HIBCH: variants seen among roughly 807,000 people sequenced by gnomAD.
HIBCH encodes 3-hydroxyisobutyryl-CoA hydrolase, also known as 3-hydroxyisobutyryl-CoA hydrolase, mitochondrial.
In HIBCH, 50 loss-of-function variants were observed where a neutral mutation model predicts 58.2. That is an observed-to-expected ratio of 0.86 (90% CI 0.68 to 1.09). The LOEUF (loss-of-function observed/expected upper bound fraction) is 1.09. HIBCH is among the 50% of genes least tolerant of loss of function. The pLI, the probability that HIBCH is intolerant of heterozygous loss-of-function variation, is 0.00. For missense variants in HIBCH, 450 were observed against 449.7 expected (o/e 1.00, Z -0.01); for synonymous variants, 151 against 146.9 (o/e 1.03, Z -0.20).
chr2:190,311,076 AT>A (rs1688542367), intron 1 of HIBCH: 1 of 583,812 alleles, frequency 1.7e-6, no homozygotes, highest in African/African-American at 1.9e-5. Context: ...ATACAACCAT[AT>A]AAAATATTAT....
chr2:190,231,890 G>A (rs1247621069), intron 11 of HIBCH, among the ~76,000 whole-genome samples: 3 of 152,100 alleles, frequency 2.0e-5, no homozygotes, highest in Non-Finnish European at 4.4e-5. Context: ...TTAGGTATAA[G>A]GTCAAAACAT....
chr2:190,305,730 A>G (rs1688386426), intron 2 of HIBCH, among the ~76,000 whole-genome samples: 2 of 152,204 alleles, frequency 1.3e-5, no homozygotes, highest in Non-Finnish European at 2.9e-5. Context: ...TTAACTTTTC[A>G]ATAGATCTAA....
rs116559367 is a variant in HIBCH, at chr2:190,223,561, A to G, written c.892-10486T>C. On this transcript the variant is annotated intron_variant, in intron 11 of 13. Transcript: ENST00000359678. ...ACAAAAGCTTTCTGAAAATAATGGT[A>G]GAAGAAAATGTGCCAATAACCCAAG... Among the ~76,000 whole-genome samples the G allele has an allele frequency of 6.7e-3, 1,018 of 152,336 alleles. 12 individuals are homozygous for G. The highest frequency in any genetic ancestry group is 0.022 in the African/African-American group (924 of 41,580).
rs1236938768 is a variant in HIBCH, at chr2:190,210,365, T to TAA, written c.1012-1453_1012-1452insTT. ...CATTCCTCACTTTCTTTTGTGACAC[T>TAA]ACACTCTCCTGGTCCTCCTACCTCT... On this transcript the variant is annotated intron_variant, in intron 12 of 13. Transcript: ENST00000359678. The surrounding 1 kb of genome is among the most constrained non-coding windows in gnomAD (Gnocchi z 5.5). Among the ~76,000 whole-genome samples, 2 of 152,202 alleles carry TAA rather than the reference T, an allele frequency of 1.3e-5. No homozygotes were observed. Among genetic ancestry groups the TAA allele is most frequent in the Admixed American group, 1.3e-4 (2 of 15,278 alleles).
chr2:190,259,228 T>C (rs1161748094), intron 7 of HIBCH, among the ~76,000 whole-genome samples: 1 of 152,164 alleles, frequency 6.6e-6, no homozygotes. Context: ...TTTAAAAATA[T>C]TCTTCCAATC....
At chr2:190,290,631 A>C in intron 4 of HIBCH, 146 bp from the exon 5 acceptor site, 1 of 656,528 alleles carries the variant, frequency 1.5e-6, no homozygotes, top group Non-Finnish European at 2.7e-6. Context: ...CCCCTGCCAC[A>C]GACATTATAT....
In HIBCH at chr2:190,315,977, G is replaced by C. The variant is rs566920988; in HGVS notation, c.35+3739C>G. Among the ~76,000 whole-genome samples, 9 of 152,206 alleles carry C rather than the reference G, an allele frequency of 5.9e-5. No homozygotes were observed. In the South Asian group the frequency reaches 1.7e-3, roughly 28 times the overall value. On this transcript the variant is annotated intron_variant, in intron 1 of 13. Coordinates refer to ENST00000359678, the MANE Select transcript of HIBCH (RefSeq NM_014362.4). This position sits in a 1 kb window ranked among gnomAD's most constrained non-coding sequence, Gnocchi z 5.4. ...AGACTAGAGGTTGAAAGAAAAGTTAGAACTAAAGGTATATCTTATGCCACA... is the reference window on the plus strand; with the variant it reads ...AGACTAGAGGTTGAAAGAAAAGTTACAACTAAAGGTATATCTTATGCCACA...
At chr2:190,242,675 A>T (rs1331084520) in intron 11 of HIBCH, among the ~76,000 whole-genome samples, 1 of 152,156 alleles carries the variant, frequency 6.6e-6, no homozygotes, top group Non-Finnish European at 1.5e-5. Flanking sequence ...GGGTAGTAGG[A>T]GGAGGTAGTC....
At chr2:190,280,275 G>A (rs969034907) in intron 6 of HIBCH, among the ~76,000 whole-genome samples, 33 of 152,286 alleles carry the variant, frequency 2.2e-4, no homozygotes, top group Admixed American at 2.1e-3. Context: ...GGATGGGGTT[G>A]GAGAGGTGGG....
rs1690024307 is a variant in HIBCH, at chr2:190,197,279, C to T, written c.*18-7282G>A. Among the ~76,000 whole-genome samples the T allele has an allele frequency of 6.6e-6, 1 of 152,158 alleles. No homozygotes were observed. The highest frequency in any genetic ancestry group is 6.5e-5 in the Admixed American group (1 of 15,270). On this transcript the variant is annotated intron_variant, in intron 1 of 1. Coordinates refer to the HIBCH transcript ENST00000399855. This position sits in a 1 kb window ranked among gnomAD's most constrained non-coding sequence, Gnocchi z 4.0. The stretch of plus-strand genomic sequence containing the variant: ...GGTATACTACTGATTCCTAAGGTGT[C>T]GCATTTCTTGAGTAGTAACTAAATA...
chr2:190,227,075 C>T (rs988575555), intron 11 of HIBCH, among the ~76,000 whole-genome samples: 13 of 152,136 alleles, frequency 8.5e-5, no homozygotes, highest in African/African-American at 3.1e-4. Flanking sequence ...TTGGAAAAAA[C>T]TACTTTAAAG....
intron 1 of HIBCH, among the ~76,000 whole-genome samples, chr2:190,311,213 T>C (rs1314897070): frequency 6.6e-6 from 1 of 152,174 alleles, no homozygotes; most frequent in Non-Finnish European, 1.5e-5. Flanking sequence ...TTCAACTGTA[T>C]GATATTCTGA....
At chr2:190,260,447 G>A (rs1687056861) in intron 7 of HIBCH, 1 of 152,154 alleles carries the variant, frequency 6.6e-6, no homozygotes, top group South Asian at 2.1e-4. Flanking sequence ...AGACTCGATA[G>A]TGTTAAGATG....
chr2:190,294,433 A>T (rs1688051056), intron 4 of HIBCH, 113 bp downstream of exon 4: 1 of 740,426 alleles, frequency 1.4e-6, no homozygotes, highest in South Asian at 1.6e-5. Context: ...TTAACTTTAT[A>T]ATAAAAAGTT....
chr2:190,213,356 C>G lies in HIBCH; in HGVS notation c.892-281G>C, dbSNP rs555227990. 31 of 395,662 alleles carry G rather than the reference C, an allele frequency of 7.8e-5. No individual in the cohort carries two copies. The East Asian group carries it at 1.6e-3, about 20-fold the overall frequency. The allele number at this position is 395,662 out of a possible 1,614,324, so 24.5% of individuals were successfully genotyped here. A position where few individuals can be genotyped will look rare whatever the true frequency, so the allele number is the denominator to read the frequency against. On this transcript the variant is annotated intron_variant, in intron 11 of 13. Transcript: ENST00000359678. The stretch of plus-strand genomic sequence containing the variant: ...AAATTATGCCAATTGGCTAAGCAAA[C>G]AGCAATTACACTTAAATAAAATCAA...
At chr2:190,199,493 C>A (rs959226256), downstream of HIBCH, among the ~76,000 whole-genome samples, 1 of 151,938 alleles carries the variant, frequency 6.6e-6, no homozygotes, top group African/African-American at 2.4e-5. Flanking sequence ...TATGCAAGAT[C>A]TTGAAAAAAA....
intron 2 of HIBCH, among the ~76,000 whole-genome samples, chr2:190,308,998 TAG>T (rs907098015): frequency 9.2e-5 from 14 of 152,188 alleles, no homozygotes; most frequent in Non-Finnish European, 1.5e-5. Context: ...CCCTGTTATA[TAG>T]AGATAAGGCT....
intron 12 of HIBCH, among the ~76,000 whole-genome samples, 158 bp downstream of exon 12, chr2:190,212,798 C>T (rs1050953238): frequency 6.6e-6 from 1 of 152,190 alleles, no homozygotes; most frequent in Non-Finnish European, 1.5e-5. Flanking sequence ...AGCAATACTT[C>T]CACACATCTA....
intron 1 of HIBCH, among the ~76,000 whole-genome samples, chr2:190,317,066 A>G (rs1368220178): frequency 6.6e-6 from 1 of 152,160 alleles, no homozygotes; most frequent in Non-Finnish European, 1.5e-5. Flanking sequence ...GGCGTATGCC[A>G]CCATACCCAG....
Sources: allele counts gnomAD v4.1 joint callset (sites outside exome capture counted in the v4.1 genomes callset), GRCh38; gene constraint gnomAD v4.1.1; non-coding constraint Gnocchi (gnomAD v3.1); transcripts MANE v1.5; gene names NCBI Gene and HGNC (gene_info 2026-07-23, HGNC 2026-07-21).